PIGQ: variants seen among roughly 807,000 people sequenced by gnomAD.
PIGQ encodes the protein phosphatidylinositol glycan anchor biosynthesis class Q.
A neutral mutation model predicts 60.3 loss-of-function variants in PIGQ; 54 were observed. That is an observed-to-expected ratio of 0.90 (90% confidence interval 0.72 to 1.12). PIGQ has a LOEUF of 1.12. Ranked by LOEUF, PIGQ falls within the 50% of genes most tolerant of loss-of-function variation. The probability of loss-of-function intolerance (pLI) is 0.00; values close to 1 mark genes in which losing one functional copy is unlikely to be tolerated. For synonymous variants in PIGQ, 416 were observed against 363.7 expected (o/e 1.14, Z -1.64); for missense variants, 799 against 793.5 (o/e 1.01, Z -0.08).
In PIGQ at chr16:575,913, A is replaced by G. The variant is rs1333311468; in HGVS notation, c.764A>G (p.Glu255Gly). The change falls in exon 3 of 11, where the codon GAG becomes GGG. Residue 255 changes from glutamate (E) to glycine (G), a missense_variant. By Grantham distance (98) the Glu-to-Gly change is moderately conservative. Transcript: ENST00000321878. ...TGCGAACAGCTCCGGCACCGGCTGG[A>G]GCACCTCACGCTAATCTTCAGTACA... The part of the protein sequence containing the change: ...STCEQLRHRL[E>G]HLTLIFSTRK... 1.3e-6 allele frequency: 2 copies of G among 1,579,604 alleles called. No individual in the cohort carries two copies. Among genetic ancestry groups the G allele is most frequent in the Non-Finnish European group, 8.6e-7 (1 of 1,162,572 alleles).
intron 10 of PIGQ, chr16:582,680 A>G: frequency 1.5e-6 from 1 of 645,490 alleles, no homozygotes; most frequent in Non-Finnish European, 2.7e-6. Context: ...CCGAGGGGAG[A>G]TGCAGCTTCT....
chr16:575,768 C>A, intron 2 of PIGQ, 71 bp from the exon 3 acceptor site: 1 of 1,482,808 alleles, frequency 6.7e-7, no homozygotes, highest in East Asian at 2.5e-5. Context: ...GTTTGTGGTC[C>A]CCTGCACAGT....
Position 583,417 on chromosome 16 carries a change from G to T in PIGQ, c.*382G>T. On this transcript the variant is annotated 3_prime_UTR_variant, in exon 11 of 11. Transcript: ENST00000321878. ...CAGGTGGAGGGCTGGTCTCCCTGGG[G>T]GCTCCCCAGTGGCTCTGCCCTGGCT... is the stretch of plus-strand genomic sequence containing the variant. The T allele has an allele frequency of 1.2e-6, 2 of 1,612,770 alleles. No homozygotes were observed. The highest frequency in any genetic ancestry group is 1.7e-6 in the Non-Finnish European group (2 of 1,179,966).
chr16:580,955 G>A lies in PIGQ; in HGVS notation c.1514G>A (p.Arg505Gln), dbSNP rs760318704. Residue 505 changes from arginine to glutamine, a missense_variant, in exon 9 of 11, where the codon CGG becomes CAG. Physicochemically the swap from Arg to Gln is conservative, Grantham distance 43. Transcript: ENST00000321878. ...PLYSLGLRLC[R>Q]PYRLAAGVKF... is the part of the protein sequence containing the mutation. The stretch of plus-strand genomic sequence containing the variant: ...TACTCACTGGGTCTTCGGCTCTGCC[G>A]GCCCTACAGGCTGGCGGGTAAGTGC... The A allele has an allele frequency of 2.7e-5, 44 of 1,607,298 alleles. No homozygotes were observed. Among genetic ancestry groups the A allele is most frequent in the African/African-American group, 1.3e-4 (10 of 74,842 alleles).
chr16:576,574 C>T (rs192214303), intron 4 of PIGQ: 410 of 515,120 alleles, frequency 8.0e-4, no homozygotes, highest in Middle Eastern at 2.0e-3. Flanking sequence ...CTGAGATCAG[C>T]GTTGCCCTCC....
chr16:573,074 C>T (rs964649812), intron 1 of PIGQ, among the ~76,000 whole-genome samples: 2 of 152,208 alleles, frequency 1.3e-5, no homozygotes, highest in Non-Finnish European at 2.9e-5. Context: ...GGGAAGGCAT[C>T]AGTGGAGAAG....
At position 574,107 on chromosome 16, in the gene PIGQ, C is replaced by T. The variant is rs781136787; in HGVS notation, c.33C>T (p.Cys11=). Residue 11 remains cysteine, a synonymous_variant, in exon 2 of 11, where the codon TGC becomes TGT. Coordinates refer to ENST00000321878, the MANE Select transcript of PIGQ (RefSeq NM_004204.5). MVLKAFFPTC[C]VSTDSGLLVG... ...TCAAGGCCTTCTTCCCCACGTGCTG[C>T]GTCTCGACGGACAGCGGGCTGCTGG... 12 of 1,609,128 alleles carry T rather than the reference C, an allele frequency of 7.5e-6. No individual in the cohort carries two copies. Among genetic ancestry groups the T allele is most frequent in the African/African-American group, 5.3e-5 (4 of 74,884 alleles).
In PIGQ at chr16:571,038, C is replaced by CGTGTGTGTGT. The variant is rs1176149269; in HGVS notation, c.-10+1003_-10+1012dup. ...AAGCTCTTCTGGCTAGCCTGGCGCC[C>CGTGTGTGTGT]GTGTGTGTGTGTGTGTGTGTGTGTG... On this transcript the variant is annotated intron_variant, in intron 1 of 10. Coordinates refer to ENST00000321878, the MANE Select transcript of PIGQ (RefSeq NM_004204.5). Among the ~76,000 whole-genome samples, 38 of 85,224 alleles carry CGTGTGTGTGT rather than the reference C, an allele frequency of 4.5e-4. 10 individuals carry two copies. Among genetic ancestry groups the CGTGTGTGTGT allele is most frequent in the Non-Finnish European group, 7.6e-4 (29 of 38,188 alleles). The allele number at this position is 85,224 out of a possible 152,430, so 55.9% of individuals were successfully genotyped here.
rs751557689 is a variant in PIGQ, at chr16:582,289, C to T, written c.1573C>T (p.Pro525Ser). 5.0e-6 allele frequency: 8 copies of T among 1,602,636 alleles called. No homozygotes were observed. In the East Asian group the frequency reaches 1.6e-4, roughly 32 times the overall value. Residue 525 changes from proline to serine, a missense_variant, in exon 10 of 11, where the codon CCC (proline) becomes TCC (serine). Pro to Ser is a moderately conservative substitution (Grantham distance 74, BLOSUM62 -1). Transcript: ENST00000321878. Reference sequence around the variant, plus strand: ...TGTCCTCCGGCACGAGGCCGGCAGGCCCCTCCGCCTCCTGATGCAGGTGAG... The same window carrying T: ...TGTCCTCCGGCACGAGGCCGGCAGGTCCCTCCGCCTCCTGATGCAGGTGAG... Reference protein sequence around the residue: ...FRVLRHEAGRPLRLLMQINPL... With the variant: ...FRVLRHEAGRSLRLLMQINPL...
intron 2 of PIGQ, among the ~76,000 whole-genome samples, chr16:575,096 G>T (rs1596383098): frequency 6.6e-6 from 1 of 152,212 alleles, no homozygotes; most frequent in East Asian, 1.9e-4. Flanking sequence ...CTGCCTGGGG[G>T]TGCTCCTGAG....
At chr16:580,723 C>T in intron 8 of PIGQ, 135 bp from the exon 9 acceptor site, 1 of 683,522 alleles carries the variant, frequency 1.5e-6, no homozygotes, top group Admixed American at 2.1e-5. Flanking sequence ...CCGTGCCCTG[C>T]TCAGGGTGGG....
chr16:574,794 G>T, intron 2 of PIGQ, 31 bp downstream of exon 2: 2 of 1,482,024 alleles, frequency 1.3e-6, no homozygotes, highest in Non-Finnish European at 1.8e-6. Flanking sequence ...AGGTGGCAAA[G>T]AGTGGGGTCC....
chr16:576,852 C>T (rs2035727099), intron 4 of PIGQ: 2 of 239,652 alleles, frequency 8.3e-6, no homozygotes, highest in East Asian at 8.0e-5. Context: ...GTCTTCCTCC[C>T]TCAGCACCAA....
chr16:580,404 G>A (rs1360984898), intron 8 of PIGQ, 141 bp downstream of exon 8: 7 of 650,510 alleles, frequency 1.1e-5, no homozygotes, highest in Non-Finnish European at 1.9e-5. Flanking sequence ...CCTCTGGGCA[G>A]TGAGTGCTGC....
chr16:571,159 A>G (rs72767847), intron 1 of PIGQ, among the ~76,000 whole-genome samples: 81 of 334 alleles, frequency 0.24, no homozygotes, highest in Admixed American at 0.38. Flanking sequence ...CTAGCCTGGC[A>G]CCCGTGGCTA....
In PIGQ at chr16:576,523, C is replaced by T; in HGVS notation, c.942+269C>T. 7.1e-6 allele frequency: 4 copies of T among 564,332 alleles called. No homozygotes were observed. The South Asian group carries it at 7.1e-5, about 10-fold the overall frequency. 35.0% of individuals were successfully genotyped at this position (564,332 alleles called of 1,614,324 possible). A position where few individuals can be genotyped will look rare whatever the true frequency, so the allele number is the denominator to read the frequency against. ...GGCTGAGGCTCTGGGGAGCCCGCCT[C>T]TCCCTGTGGGCCCAGCGTCCTGGTA... is the stretch of plus-strand genomic sequence containing the variant. On this transcript the variant is annotated intron_variant, in intron 4 of 10. Transcript: ENST00000321878.
chr16:581,395 T>C, intron 9 of PIGQ: 1 of 1,101,890 alleles, frequency 9.1e-7, no homozygotes, highest in Non-Finnish European at 1.1e-6. Flanking sequence ...CAGCACAGCC[T>C]GCGCCCGTCC....
In PIGQ at chr16:583,839, C is replaced by CA; in HGVS notation, c.*805dup. On this transcript the variant is annotated 3_prime_UTR_variant, in exon 11 of 11. Transcript: ENST00000321878. ...CTGTGCAGACACCTCTGTGGCCCCC[C>CA]AGGAGTGTGAGTGGCCTGGGGAGGG... The CA allele has an allele frequency of 1.5e-6, 1 of 661,234 alleles. No homozygotes were observed. The highest frequency in any genetic ancestry group is 2.7e-6 in the Non-Finnish European group (1 of 372,064). 41.0% of individuals were successfully genotyped at this position (661,234 alleles called of 1,614,324 possible).
intron 6 of PIGQ, 50 bp from the exon 7 acceptor site, chr16:579,008 AGTGGGGCGGGG>A: frequency 2.1e-6 from 1 of 466,174 alleles, no homozygotes; most frequent in South Asian, 3.0e-5. Flanking sequence ...CGGGCGTTCG[AGTGGGGCGGGG>A]GCGGGGCGGG....
Sources: gnomAD v4.1 joint callset for allele counts (sites outside exome capture counted in the v4.1 genomes callset) on GRCh38, gnomAD v4.1.1 for gene constraint, MANE v1.5 for transcripts, NCBI Gene and HGNC (gene_info 2026-07-23, HGNC 2026-07-21) for gene names.